Variants in ANK1 observed in about 807,000 individuals in gnomAD.
ANK1 encodes ankyrin-1.
A neutral mutation model predicts 210.4 loss-of-function variants in ANK1; 51 were observed. The observed-to-expected ratio is 0.24, with a 90% confidence interval of 0.19 to 0.31. The LOEUF (loss-of-function observed/expected upper bound fraction) is 0.31. Ranked by LOEUF, ANK1 falls within the 10% of genes least tolerant of loss-of-function variation. The pLI, the probability that ANK1 is intolerant of heterozygous loss-of-function variation, is 1.00. For synonymous variants in ANK1, 967 were observed against 1,025.9 expected (o/e 0.94, Z 1.10); for missense variants, 2,051 against 2,504.4 (o/e 0.82, Z 3.86).
chr8:41,712,420 T>C (rs949311146), intron 16 of ANK1, among the ~76,000 whole-genome samples: 1 of 152,180 alleles, frequency 6.6e-6, no homozygotes, highest in African/African-American at 2.4e-5. Flanking sequence ...CTGGTTAAAA[T>C]TGAGATACAA....
At chr8:41,803,255 T>C (rs1850448184) in intron 1 of ANK1, 1 of 152,164 alleles carries the variant, frequency 6.6e-6, no homozygotes. Context: ...TTTTATTGGG[T>C]TGTTACAGTC....
At chr8:41,809,531 C>G (rs545343569) in intron 1 of ANK1, among the ~76,000 whole-genome samples, 1 of 152,228 alleles carries the variant, frequency 6.6e-6, no homozygotes, top group Non-Finnish European at 1.5e-5. Flanking sequence ...ACTTTGAGAG[C>G]CAAGGTAGGA....
intron 38 of ANK1, among the ~76,000 whole-genome samples, 170 bp from the exon 39 acceptor site, chr8:41,668,734 C>G (rs1045876332): frequency 2.6e-4 from 39 of 152,302 alleles, no homozygotes; most frequent in African/African-American, 8.9e-4. Context: ...GAGCACATTG[C>G]TCACCTCACT....
intron 2 of ANK1, among the ~76,000 whole-genome samples, chr8:41,741,086 A>C (rs982650082): frequency 6.6e-6 from 1 of 152,170 alleles, no homozygotes; most frequent in African/African-American, 2.4e-5. Flanking sequence ...AACCCACTCC[A>C]CCCAGAACTG....
intron 1 of ANK1, among the ~76,000 whole-genome samples, chr8:41,804,746 C>T (rs985896672): frequency 1.3e-5 from 2 of 152,158 alleles, no homozygotes; most frequent in African/African-American, 4.8e-5. Flanking sequence ...TTCTCATTCG[C>T]TTAAACTTTA....
At chr8:41,800,960 T>G (rs528143127), upstream of ANK1, among the ~76,000 whole-genome samples, 84 of 152,340 alleles carry the variant, frequency 5.5e-4, no homozygotes, top group Middle Eastern at 6.8e-3. Flanking sequence ...TTTGCCATGT[T>G]TTTGGACTGT....
At chr8:41,718,263 G>T (rs146672192) in intron 10 of ANK1, 59 bp from the exon 11 acceptor site, 3 of 1,555,008 alleles carry the variant, frequency 1.9e-6, no homozygotes, top group Non-Finnish European at 2.7e-6. Flanking sequence ...CCCAAGGAAC[G>T]CCCAGAAGAC....
chr8:41,688,338 G>A, intron 34 of ANK1, 108 bp from the exon 35 acceptor site: 1 of 1,444,046 alleles, frequency 6.9e-7, no homozygotes, highest in South Asian at 1.1e-5. Flanking sequence ...TGGGGTGATT[G>A]TCTAGACTCT....
chr8:41,687,168 A>G (rs994774129), intron 35 of ANK1, among the ~76,000 whole-genome samples: 1 of 152,236 alleles, frequency 6.6e-6, no homozygotes, highest in African/African-American at 2.4e-5. Flanking sequence ...GAGTCCACTC[A>G]TATAAAAGCT....
At chr8:41,889,496 G>GAGA (rs1234614910) in intron 1 of ANK1, among the ~76,000 whole-genome samples, 1 of 152,224 alleles carries the variant, frequency 6.6e-6, no homozygotes, top group African/African-American at 2.4e-5. Context: ...GGAAATCTTT[G>GAGA]AGAAGAAGAG....
At chr8:41,874,490 C>T (rs1816185100) in intron 1 of ANK1, among the ~76,000 whole-genome samples, 1 of 152,344 alleles carries the variant, frequency 6.6e-6, no homozygotes, top group South Asian at 2.1e-4. Context: ...CAACCTCCTC[C>T]ACCCCATCCC....
chr8:41,672,287 CA>C (rs1488816815), intron 38 of ANK1, 66 bp downstream of exon 38: 30 of 1,561,788 alleles, frequency 1.9e-5, no homozygotes, highest in African/African-American at 4.1e-5. Flanking sequence ...TCCTCACTGC[CA>C]GGCATAATCT....
At chr8:41,723,798 T>TA (rs1332561681) in intron 7 of ANK1, among the ~76,000 whole-genome samples, 165 bp from the exon 8 acceptor site, 7 of 150,312 alleles carry the variant, frequency 4.7e-5, no homozygotes, top group Admixed American at 1.3e-4. Flanking sequence ...TTTTATTTTT[T>TA]TTTTTTTTTG....
In ANK1 at chr8:41,877,060, G is replaced by A. The variant is rs183480334; in HGVS notation, c.126+19295C>T. ...TGTAATCCCAGTGCTTTGGGAGGCC[G>A]AGGCGGGAGGATTGCTTGAGGCTGG... On this transcript the variant is annotated intron_variant, in intron 1 of 42. Transcript: ENST00000265709. Among the ~76,000 whole-genome samples, 420 of 152,348 alleles carry A rather than the reference G, an allele frequency of 2.8e-3. 2 individuals are homozygous for A. The highest frequency in any genetic ancestry group is 7.4e-3 in the Admixed American group (114 of 15,310).
intron 5 of ANK1, 80 bp from the exon 6 acceptor site, chr8:41,726,026 G>A: frequency 6.6e-7 from 1 of 1,504,648 alleles, no homozygotes; most frequent in Non-Finnish European, 9.0e-7. Flanking sequence ...CTTGCCCCTC[G>A]GGCTTATGCT....
intron 17 of ANK1, among the ~76,000 whole-genome samples, chr8:41,707,283 A>G (rs554184050): frequency 2.6e-5 from 4 of 152,348 alleles, no homozygotes; most frequent in Non-Finnish European, 5.9e-5. Flanking sequence ...CCACATGAAA[A>G]TGTCAGAAAA....
intron 37 of ANK1, among the ~76,000 whole-genome samples, chr8:41,678,643 A>G (rs1033776816): frequency 1.3e-5 from 2 of 152,248 alleles, no homozygotes; most frequent in South Asian, 4.1e-4. Flanking sequence ...AATCCCATCC[A>G]GTGTATTGAT....
chr8:41,694,908 C>A lies in ANK1; in HGVS notation c.3116-105G>T. ...GTCCCCAAGACCCAGTGCACACACC[C>A]TCCCCAGGTGCCGGGCGGCATAGTG... On this transcript the variant is annotated intron_variant, in intron 27 of 42. Coordinates refer to ENST00000289734, the MANE Select transcript of ANK1 (RefSeq NM_000037.4). This position sits in a 1 kb window ranked among gnomAD's most constrained non-coding sequence, Gnocchi z 5.7. 1 of 1,259,022 alleles carries A rather than the reference C, an allele frequency of 7.9e-7. No homozygotes were observed. Among genetic ancestry groups the A allele is most frequent in the Non-Finnish European group, 1.1e-6 (1 of 879,644 alleles). The allele number at this position is 1,259,022 out of a possible 1,614,324, so 78.0% of individuals were successfully genotyped here.
chr8:41,669,605 G>T (rs1256077842), intron 38 of ANK1, among the ~76,000 whole-genome samples: 1 of 152,044 alleles, frequency 6.6e-6, no homozygotes, highest in African/African-American at 2.4e-5. Context: ...GCCATCCCTG[G>T]TATCTTCATC....
Sources: gnomAD v4.1 joint callset for allele counts (sites outside exome capture counted in the v4.1 genomes callset) on GRCh38, gnomAD v4.1.1 for gene constraint, Gnocchi (gnomAD v3.1) non-coding constraint, MANE v1.5 for transcripts, NCBI Gene and HGNC (gene_info 2026-07-23, HGNC 2026-07-21) for gene names.